Variants in TBC1D9 observed in about 807,000 individuals in gnomAD.
The protein encoded by TBC1D9 is TBC1 domain family member 9, also known as TBC1 domain family member 9A.
A neutral mutation model predicts 132.0 loss-of-function variants in TBC1D9; 63 were observed. That is an observed-to-expected ratio of 0.48 (90% CI 0.39 to 0.59). The LOEUF (loss-of-function observed/expected upper bound fraction) is 0.59, where lower values mean the gene tolerates loss of function less well. Among genes scored for constraint, TBC1D9 ranks in the 20% least tolerant of loss-of-function variants. The probability of loss-of-function intolerance (pLI) is 0.00; values close to 1 mark genes in which losing one functional copy is unlikely to be tolerated. For missense variants in TBC1D9, 1,261 were observed against 1,592.7 expected (o/e 0.79, Z 3.54); for synonymous variants, 610 against 609.9 (o/e 1.00, Z 0.00).
intron 12 of TBC1D9, 92 bp from the exon 13 acceptor site, chr4:140,657,318 A>G: frequency 2.0e-6 from 3 of 1,484,172 alleles, no homozygotes; most frequent in Non-Finnish European, 2.7e-6. Flanking sequence ...TCTACATTTT[A>G]AAACAAAGGA....
chr4:140,643,200 AC>A, intron 13 of TBC1D9: 1 of 1,408,182 alleles, frequency 7.1e-7, no homozygotes, highest in Non-Finnish European at 9.8e-7. Context: ...GGGCCGAGCC[AC>A]CAGGGCCCGC....
chr4:140,700,515 G>T (rs1473309790), intron 2 of TBC1D9, among the ~76,000 whole-genome samples: 1 of 151,484 alleles, frequency 6.6e-6, no homozygotes, highest in African/African-American at 2.4e-5. Context: ...TCCAATAAAA[G>T]CAAGATTAAA....
At chr4:140,748,417 T>C (rs768169565) in intron 1 of TBC1D9, among the ~76,000 whole-genome samples, 11 of 151,430 alleles carry the variant, frequency 7.3e-5, no homozygotes, top group Non-Finnish European at 1.5e-4. Flanking sequence ...GATGAGGGGA[T>C]GAAGGAAAGG....
At chr4:140,670,444 T>A (rs1578833519) in intron 7 of TBC1D9, 1 of 409,372 alleles carries the variant, frequency 2.4e-6, no homozygotes, top group East Asian at 4.6e-5. Context: ...AATGTCACTA[T>A]ATGGACCTGA....
At chr4:140,721,427 A>G (rs1256222795) in intron 1 of TBC1D9, among the ~76,000 whole-genome samples, 1 of 152,204 alleles carries the variant, frequency 6.6e-6, no homozygotes, top group Non-Finnish European at 1.5e-5. Context: ...TGGGGCATGC[A>G]GCTACCAGGT....
At chr4:140,681,319 TC>T (rs1426922661) in intron 3 of TBC1D9, among the ~76,000 whole-genome samples, 1 of 152,130 alleles carries the variant, frequency 6.6e-6, no homozygotes, top group Non-Finnish European at 1.5e-5. Context: ...ATCATTCTTT[TC>T]CCCCCACATG....
At chr4:140,743,918 T>C (rs1455458335) in intron 1 of TBC1D9, among the ~76,000 whole-genome samples, 1 of 152,148 alleles carries the variant, frequency 6.6e-6, no homozygotes, top group Non-Finnish European at 1.5e-5. Context: ...CTAGGACGCT[T>C]GGAGTAAATT....
At chr4:140,693,945 C>A (rs1737912865) in intron 2 of TBC1D9, among the ~76,000 whole-genome samples, 1 of 152,170 alleles carries the variant, frequency 6.6e-6, no homozygotes, top group Admixed American at 6.6e-5. Context: ...CAATAAGAAT[C>A]AGTAGTTAAC....
chr4:140,720,445 T>C (rs1461355285), intron 1 of TBC1D9, among the ~76,000 whole-genome samples: 1 of 151,890 alleles, frequency 6.6e-6, no homozygotes, highest in African/African-American at 2.4e-5. Flanking sequence ...GGCTAGGAGG[T>C]TTCCTAATAC....
intron 1 of TBC1D9, among the ~76,000 whole-genome samples, chr4:140,748,135 C>A (rs1408045777): frequency 1.3e-5 from 2 of 152,166 alleles, no homozygotes; most frequent in East Asian, 1.9e-4. Context: ...TGAGGCCTTA[C>A]AAGAACCATA....
intron 1 of TBC1D9, among the ~76,000 whole-genome samples, chr4:140,722,581 G>A (rs928884914): frequency 6.6e-6 from 1 of 152,108 alleles, no homozygotes; most frequent in Non-Finnish European, 1.5e-5. Flanking sequence ...TGGGATGAGT[G>A]GGGAGAAGCT....
intron 1 of TBC1D9, among the ~76,000 whole-genome samples, chr4:140,733,672 A>C (rs1408878938): frequency 3.9e-5 from 6 of 152,274 alleles, no homozygotes; most frequent in African/African-American, 1.4e-4. Context: ...AGTGTCCTTG[A>C]ATGAAGTCTT....
intron 9 of TBC1D9, among the ~76,000 whole-genome samples, chr4:140,664,040 C>CA (rs1224457471): frequency 0.061 from 6,911 of 112,706 alleles, 389 homozygotes; most frequent in African/African-American, 0.17. Flanking sequence ...CTCTCCCCAC[C>CA]AAAAAAAAAA....
chr4:140,641,250 G>C (rs540630041), intron 13 of TBC1D9, among the ~76,000 whole-genome samples: 119 of 152,230 alleles, frequency 7.8e-4, no homozygotes, highest in Non-Finnish European at 1.4e-3. Context: ...GGGGCACAAG[G>C]GGCACTTCCA....
intron 13 of TBC1D9, chr4:140,644,079 G>C (rs980209432): frequency 4.8e-6 from 2 of 417,290 alleles, no homozygotes; most frequent in African/African-American, 4.1e-5. Context: ...CCCATCAGCT[G>C]GGAGCAGCAC....
At chr4:140,689,739 C>T (rs1364977480) in intron 2 of TBC1D9, among the ~76,000 whole-genome samples, 2 of 112,150 alleles carry the variant, frequency 1.8e-5, no homozygotes, top group African/African-American at 3.6e-5. Flanking sequence ...CCTTCCCTTC[C>T]CTTCCTCCCA....
At chr4:140,667,647 C>CCAGCA (rs1737468929) in intron 9 of TBC1D9, among the ~76,000 whole-genome samples, 1 of 152,048 alleles carries the variant, frequency 6.6e-6, no homozygotes, top group Non-Finnish European at 1.5e-5. Context: ...GACTATCATC[C>CCAGCA]CAGCACCTGG....
chr4:140,660,045 T>C (rs537774084), intron 10 of TBC1D9, among the ~76,000 whole-genome samples: 2 of 152,356 alleles, frequency 1.3e-5, no homozygotes, highest in Admixed American at 1.3e-4. Context: ...ACAAAGCTTT[T>C]AACCTGCTAA....
intron 1 of TBC1D9, among the ~76,000 whole-genome samples, chr4:140,754,954 T>G (rs965796299): frequency 6.6e-6 from 1 of 152,224 alleles, no homozygotes; most frequent in Non-Finnish European, 1.5e-5. Flanking sequence ...AGCAACAATT[T>G]ACCTATTGTG....
Sources: gnomAD v4.1 joint callset for allele counts (sites outside exome capture counted in the v4.1 genomes callset) on GRCh38, gnomAD v4.1.1 for gene constraint, MANE v1.5 for transcripts, NCBI Gene and HGNC (gene_info 2026-07-23, HGNC 2026-07-21) for gene names.